The following VAV2 variants were observed in gnomAD, a reference collection of about 807,000 sequenced individuals.
VAV2 encodes the protein guanine nucleotide exchange factor VAV2.
Under a neutral mutation model 132.5 loss-of-function variants are expected in VAV2, and 67 were observed. That is an observed-to-expected ratio of 0.51 (90% CI 0.42 to 0.62). The LOEUF (loss-of-function observed/expected upper bound fraction) is 0.62, where lower values mean the gene tolerates loss of function less well. Among genes scored for constraint, VAV2 ranks in the 20% least tolerant of loss-of-function variants. VAV2 has a pLI of 0.00. For missense variants in VAV2, 938 were observed against 1,153.6 expected (o/e 0.81, Z 2.71); for synonymous variants, 492 against 443.5 (o/e 1.11, Z -1.37).
rs568892660 is a variant in VAV2, at chr9:133,777,538, C to G, written c.1891-75G>C. ...GGGAGTGTGGGGCCATTTAGACGGA[C>G]TCAGCGTATGCCAATCCCGCTCCTG... On this transcript the variant is annotated intron_variant, in intron 22 of 29. Transcript: ENST00000371850. 49 of 1,423,584 alleles carry G rather than the reference C, an allele frequency of 3.4e-5. No homozygotes were observed. The Admixed American group carries it at 6.3e-4, about 18-fold the overall frequency. The allele number at this position is 1,423,584 out of a possible 1,614,324, so 88.2% of individuals were successfully genotyped here.
At chr9:133,931,007 G>C (rs1197169933) in intron 2 of VAV2, among the ~76,000 whole-genome samples, 1 of 152,244 alleles carries the variant, frequency 6.6e-6, no homozygotes, top group Admixed American at 6.5e-5. Flanking sequence ...AGCAAGAGAA[G>C]CGGCCTAGCG....
intron 2 of VAV2, among the ~76,000 whole-genome samples, chr9:133,916,932 C>T (rs569551093): frequency 2.0e-4 from 31 of 152,156 alleles, no homozygotes; most frequent in Non-Finnish European, 3.7e-4. Context: ...GCGTCCCCGT[C>T]CATCAAATGT....
chr9:133,862,947 C>T (rs764943783), intron 2 of VAV2, among the ~76,000 whole-genome samples: 9 of 152,156 alleles, frequency 5.9e-5, no homozygotes, highest in Non-Finnish European at 1.3e-4. Context: ...TGTACGTGCT[C>T]GTGATTCGGG....
rs145482599 is a variant in VAV2 at position 133,779,003 on chromosome 9, C to T, written c.1763-114G>A. ...GCTCGGCCTCCCCCAGCACACACAG[C>T]CTTGCGCCTGCATCTCCCTTCCCTA... On this transcript the variant is annotated intron_variant, in intron 21 of 29. Transcript: ENST00000371850. 1.8e-4 allele frequency: 246 copies of T among 1,377,040 alleles called. No individual in the cohort carries two copies. The African/African-American group carries it at 3.2e-3, about 18-fold the overall frequency. The allele number at this position is 1,377,040 out of a possible 1,614,324, so 85.3% of individuals were successfully genotyped here. A position where few individuals can be genotyped will look rare whatever the true frequency, so the allele number is the denominator to read the frequency against.
intron 3 of VAV2, among the ~76,000 whole-genome samples, chr9:133,852,678 AC>A (rs1156873130): frequency 6.6e-6 from 1 of 151,676 alleles, no homozygotes; most frequent in Non-Finnish European, 1.5e-5. Flanking sequence ...GCTTCTCCTG[AC>A]CGTCTCCAGC....
At chr9:133,787,344 G>T in intron 15 of VAV2, 84 bp from the exon 16 acceptor site, 1 of 1,385,414 alleles carries the variant, frequency 7.2e-7, no homozygotes, top group South Asian at 1.9e-5. Flanking sequence ...GCAGTGTGGA[G>T]GCGCCAGGAG....
chr9:133,904,898 A>AC lies in VAV2; in HGVS notation c.321+34204dup, dbSNP rs530065444. The stretch of plus-strand genomic sequence containing the variant: ...GGTGTTTTTGGCCCTCGTCCACCAT[A>AC]CAGGGCCACAGCACCAGCACTGCTG... On this transcript the variant is annotated intron_variant, in intron 2 of 29. Transcript: ENST00000371850. Among the ~76,000 whole-genome samples, 788 of 152,300 alleles carry AC rather than the reference A, an allele frequency of 5.2e-3. 1 individual carries two copies. Among genetic ancestry groups the AC allele is most frequent in the Non-Finnish European group, 9.0e-3 (609 of 68,022 alleles).
intron 3 of VAV2, among the ~76,000 whole-genome samples, chr9:133,850,363 G>T (rs1837118584): frequency 6.6e-6 from 1 of 152,202 alleles, no homozygotes; most frequent in Non-Finnish European, 1.5e-5. Context: ...CAGTGGCCCG[G>T]TGTCCACTCC....
At chr9:133,930,168 C>T (rs1171053173) in intron 2 of VAV2, among the ~76,000 whole-genome samples, 3 of 152,210 alleles carry the variant, frequency 2.0e-5, no homozygotes, top group Non-Finnish European at 4.4e-5. Context: ...AGGGTCAGGC[C>T]TTTTACTTCC....
chr9:133,983,228 C>T (rs1385253731), intron 1 of VAV2, among the ~76,000 whole-genome samples: 2 of 152,216 alleles, frequency 1.3e-5, no homozygotes, highest in Non-Finnish European at 2.9e-5. Context: ...GAAGCCACAG[C>T]CCACAGACAT....
chr9:133,900,728 T>A (rs1206482238), intron 2 of VAV2, among the ~76,000 whole-genome samples: 1 of 152,072 alleles, frequency 6.6e-6, no homozygotes, highest in East Asian at 1.9e-4. Flanking sequence ...TTCAATCGCC[T>A]TGCCTTTTCT....
chr9:133,944,751 T>A (rs901565135), intron 1 of VAV2, among the ~76,000 whole-genome samples: 19 of 152,224 alleles, frequency 1.2e-4, no homozygotes, highest in Admixed American at 1.0e-3. Flanking sequence ...GCCTGCGTCG[T>A]CAAGGCAGGT....
intron 3 of VAV2, among the ~76,000 whole-genome samples, chr9:133,842,916 C>T (rs1334452959): frequency 2.6e-5 from 4 of 152,222 alleles, no homozygotes; most frequent in Non-Finnish European, 4.4e-5. Context: ...GTGGAGGGCC[C>T]GCCAGACCCG....
intron 1 of VAV2, among the ~76,000 whole-genome samples, chr9:133,988,891 C>A (rs1227865695): frequency 6.6e-6 from 1 of 151,986 alleles, no homozygotes; most frequent in African/African-American, 2.4e-5. Flanking sequence ...CATAGTGAAA[C>A]GCCGCCTCTA....
chr9:133,959,521 A>T (rs560270266), intron 1 of VAV2, among the ~76,000 whole-genome samples: 1 of 152,122 alleles, frequency 6.6e-6, no homozygotes, highest in African/African-American at 2.4e-5. Flanking sequence ...CCTACCAGGG[A>T]GCCCAGGGCA....
intron 2 of VAV2, chr9:133,927,849 C>T (rs1027068044): frequency 6.6e-6 from 1 of 152,222 alleles, no homozygotes; most frequent in African/African-American, 2.4e-5. Flanking sequence ...AAGGCCGCTC[C>T]CAGAGCTTGA....
chr9:133,895,485 G>A (rs931013878), intron 2 of VAV2, among the ~76,000 whole-genome samples: 3 of 152,246 alleles, frequency 2.0e-5, no homozygotes, highest in Non-Finnish European at 4.4e-5. Flanking sequence ...CTATCACGCC[G>A]ACGTGAAAAG....
chr9:133,920,546 G>A (rs1382074827), intron 2 of VAV2, among the ~76,000 whole-genome samples: 1 of 152,162 alleles, frequency 6.6e-6, no homozygotes, highest in Non-Finnish European at 1.5e-5. Context: ...TGAGGTCCCT[G>A]AGGCCACATG....
chr9:133,964,372 A>G (rs1212619649), intron 1 of VAV2, among the ~76,000 whole-genome samples: 1 of 151,980 alleles, frequency 6.6e-6, no homozygotes, highest in Non-Finnish European at 1.5e-5. Flanking sequence ...TTACATTTGT[A>G]CAAATATATA....
Sources: allele counts gnomAD v4.1 joint callset (sites outside exome capture counted in the v4.1 genomes callset), GRCh38; gene constraint gnomAD v4.1.1; transcripts MANE v1.5; gene names NCBI Gene and HGNC (gene_info 2026-07-23, HGNC 2026-07-21).